RRAS2: variants seen among roughly 807,000 people sequenced by gnomAD.
RRAS2 encodes the protein RAS related 2, also known as ras-related protein R-Ras2.
Under a neutral mutation model 27.6 loss-of-function variants are expected in RRAS2, and 7 were observed. That is an observed-to-expected ratio of 0.25 (90% confidence interval 0.14 to 0.48). The LOEUF (loss-of-function observed/expected upper bound fraction) is 0.48, where lower values mean the gene tolerates loss of function less well. Ranked by LOEUF, RRAS2 falls within the 20% of genes least tolerant of loss-of-function variation. RRAS2 has a pLI of 0.99. For synonymous variants in RRAS2, 86 were observed against 90.9 expected, an observed-to-expected ratio of 0.95 and a Z score of 0.31; for missense variants, 178 against 256.2, an observed-to-expected ratio of 0.69 and a Z score of 2.08.
chr11:14,349,607 T>C (rs1848909588), intron 1 of RRAS2, among the ~76,000 whole-genome samples: 1 of 152,174 alleles, frequency 6.6e-6, no homozygotes, highest in Admixed American at 6.6e-5. Context: ...TTCCACAATA[T>C]ATTTACTTAT....
intron 1 of RRAS2, among the ~76,000 whole-genome samples, chr11:14,333,264 A>T (rs1554952149): frequency 3.9e-5 from 6 of 152,200 alleles, no homozygotes; most frequent in African/African-American, 1.2e-4. Context: ...TCATGTCATG[A>T]TAAATATCAC....
chr11:14,329,057 A>C (rs1202099313), intron 1 of RRAS2, among the ~76,000 whole-genome samples: 1 of 119,144 alleles, frequency 8.4e-6, no homozygotes, highest in East Asian at 2.6e-4. Context: ...GTATATACAC[A>C]CACATATACA....
intron 1 of RRAS2, among the ~76,000 whole-genome samples, chr11:14,306,091 A>G (rs797026929): frequency 1.3e-5 from 2 of 151,922 alleles, no homozygotes; most frequent in African/African-American, 4.8e-5. Context: ...TTTTTTTACA[A>G]CAGACACCCT....
intron 1 of RRAS2, among the ~76,000 whole-genome samples, chr11:14,354,182 C>T (rs1279228147): frequency 1.3e-5 from 2 of 152,086 alleles, no homozygotes; most frequent in Non-Finnish European, 2.9e-5. Flanking sequence ...CAGCAAAAGA[C>T]AAACTTTTAA....
chr11:14,282,722 A>G (rs1264691793), intron 4 of RRAS2, among the ~76,000 whole-genome samples: 1 of 152,076 alleles, frequency 6.6e-6, no homozygotes, highest in Non-Finnish European at 1.5e-5. Flanking sequence ...TCTTTTGGTC[A>G]TTTTTCAATG....
At chr11:14,335,480 GA>G (rs1848570956) in intron 1 of RRAS2, among the ~76,000 whole-genome samples, 1 of 152,198 alleles carries the variant, frequency 6.6e-6, no homozygotes, top group Admixed American at 6.5e-5. Context: ...CAATTTGAAT[GA>G]GGCATAAAAA....
At chr11:14,364,160 G>A (rs1362756523), upstream of RRAS2, among the ~76,000 whole-genome samples, 7 of 152,306 alleles carry the variant, frequency 4.6e-5, no homozygotes, top group Non-Finnish European at 1.0e-4. Context: ...CTTTATTTCA[G>A]GACAAACAAT....
At chr11:14,321,163 A>G (rs1347610595) in intron 1 of RRAS2, among the ~76,000 whole-genome samples, 11 of 151,198 alleles carry the variant, frequency 7.3e-5, no homozygotes, top group African/African-American at 2.2e-4. Flanking sequence ...TAGACAACAG[A>G]CCAAGACTCC....
chr11:14,358,747 G>T lies in RRAS2; in HGVS notation c.108+16C>A. On this transcript the variant is annotated intron_variant, in intron 1 of 5. Transcript: ENST00000256196. This position sits in a 1 kb window ranked among gnomAD's most constrained non-coding sequence, Gnocchi z 5.1. ...CGCCGCCGCTCCGGCGCCCCGGGCA[G>T]GCCCGCTCCAGGTACCTGGATGAAC... 1.4e-6 allele frequency: 2 copies of T among 1,385,290 alleles called. No homozygotes were observed. Among genetic ancestry groups the T allele is most frequent in the Non-Finnish European group, 9.5e-7 (1 of 1,055,664 alleles). The allele number at this position is 1,385,290 out of a possible 1,614,324, so 85.8% of individuals were successfully genotyped here. A position where few individuals can be genotyped will look rare whatever the true frequency, so the allele number is the denominator to read the frequency against.
intron 1 of RRAS2, among the ~76,000 whole-genome samples, chr11:14,349,721 A>G (rs1159282913): frequency 2.0e-5 from 3 of 152,202 alleles, no homozygotes; most frequent in Admixed American, 1.3e-4. Context: ...CTAGAGTTCA[A>G]TGTTTCTTTC....
At chr11:14,360,741 G>A (rs1554956104), upstream of RRAS2, among the ~76,000 whole-genome samples, 1 of 148,994 alleles carries the variant, frequency 6.7e-6, no homozygotes, top group East Asian at 2.0e-4. Context: ...GGCCAACATG[G>A]CTAAACGCAT....
intron 1 of RRAS2, among the ~76,000 whole-genome samples, chr11:14,350,503 A>C (rs782212293): frequency 6.6e-5 from 10 of 152,148 alleles, no homozygotes; most frequent in Non-Finnish European, 1.5e-4. Flanking sequence ...CACCAGAAGC[A>C]GATGCTAGTA....
At chr11:14,347,940 A>C (rs1554954254) in intron 1 of RRAS2, among the ~76,000 whole-genome samples, 1 of 152,216 alleles carries the variant, frequency 6.6e-6, no homozygotes, top group African/African-American at 2.4e-5. Context: ...GTACAGCAAA[A>C]GACACACTTG....
chr11:14,289,518 T>C lies in RRAS2; in HGVS notation c.408+4953A>G, dbSNP rs1468246034. Among the ~76,000 whole-genome samples, 3 of 152,262 alleles carry C rather than the reference T, an allele frequency of 2.0e-5. No individual in the cohort carries two copies. In the East Asian group the frequency reaches 5.8e-4, roughly 29 times the overall value. Reference sequence around the variant, plus strand: ...CAAAGTTAAGCAAATCATTTACCTATGTTTTCTTCCTACACCTTTAGCAGA... The same window carrying C: ...CAAAGTTAAGCAAATCATTTACCTACGTTTTCTTCCTACACCTTTAGCAGA... On this transcript the variant is annotated intron_variant, in intron 4 of 5. Coordinates refer to ENST00000256196, the MANE Select transcript of RRAS2 (RefSeq NM_012250.6).
chr11:14,358,478 A>C lies in RRAS2; in HGVS notation c.108+285T>G. On this transcript the variant is annotated intron_variant, in intron 1 of 5. Coordinates refer to ENST00000256196, the MANE Select transcript of RRAS2 (RefSeq NM_012250.6). The surrounding 1 kb of genome is among the most constrained non-coding windows in gnomAD (Gnocchi z 5.1). ...CTCCCGGAGGTCTCTGGCCTCGGCC[A>C]GAGCAATAAGGTGGATCGGTGCTTC... 2.0e-6 allele frequency: 2 copies of C among 984,576 alleles called. No individual in the cohort carries two copies. Among genetic ancestry groups the C allele is most frequent in the Non-Finnish European group, 2.4e-6 (2 of 829,582 alleles). 61.0% of individuals were successfully genotyped at this position (984,576 alleles called of 1,614,324 possible).
At chr11:14,323,777 A>G (rs1392757047) in intron 1 of RRAS2, among the ~76,000 whole-genome samples, 1 of 152,204 alleles carries the variant, frequency 6.6e-6, no homozygotes, top group African/African-American at 2.4e-5. Context: ...ACATGAAAAG[A>G]GTCCATATGC....
chr11:14,318,985 T>C (rs1848169200), intron 1 of RRAS2, among the ~76,000 whole-genome samples: 1 of 152,194 alleles, frequency 6.6e-6, no homozygotes, highest in African/African-American at 2.4e-5. Flanking sequence ...ATGAAGTAGG[T>C]GGTCTTATTA....
upstream of RRAS2, among the ~76,000 whole-genome samples, chr11:14,363,509 T>G (rs569331068): frequency 6.6e-6 from 1 of 152,204 alleles, no homozygotes; most frequent in African/African-American, 2.4e-5. Flanking sequence ...TGGCTCACGC[T>G]TGTAATCCCA....
At chr11:14,331,759 A>C (rs1209087637) in intron 1 of RRAS2, among the ~76,000 whole-genome samples, 2 of 152,000 alleles carry the variant, frequency 1.3e-5, no homozygotes, top group African/African-American at 4.8e-5. Context: ...ACAAATGAAA[A>C]GGCAAGATAT....
Sources: allele counts gnomAD v4.1 joint callset (sites outside exome capture counted in the v4.1 genomes callset), GRCh38; gene constraint gnomAD v4.1.1; non-coding constraint Gnocchi (gnomAD v3.1); transcripts MANE v1.5; gene names NCBI Gene and HGNC (gene_info 2026-07-23, HGNC 2026-07-21).